PDE3A: variants seen among roughly 807,000 people sequenced by gnomAD.
PDE3A encodes the protein phosphodiesterase 3A.
PDE3A carries 43 observed loss-of-function variants against 98.3 expected under a neutral mutation model. The observed-to-expected ratio is 0.44, with a 90% CI of 0.34 to 0.56. The LOEUF is 0.56. Ranked by LOEUF, PDE3A falls within the 20% of genes least tolerant of loss-of-function variation. The pLI is 0.01. For synonymous variants in PDE3A, 663 were observed against 567.9 expected (o/e 1.17, Z -2.38); for missense variants, 1,427 against 1,440.7 (o/e 0.99, Z 0.15).
chr12:20,624,221 A>G (rs1345873401), intron 5 of PDE3A, among the ~76,000 whole-genome samples: 2 of 152,162 alleles, frequency 1.3e-5, no homozygotes, highest in Non-Finnish European at 2.9e-5. Context: ...AAACTAGGAT[A>G]TTTTGGGTTC....
intron 1 of PDE3A, among the ~76,000 whole-genome samples, chr12:20,504,998 C>T (rs1946089611): frequency 6.6e-6 from 1 of 152,034 alleles, no homozygotes; most frequent in African/African-American, 2.4e-5. Flanking sequence ...GCTGAAAGCA[C>T]CAGAGGTCTT....
chr12:20,466,223 A>G (rs771283291), intron 1 of PDE3A, among the ~76,000 whole-genome samples: 5 of 152,260 alleles, frequency 3.3e-5, no homozygotes, highest in Non-Finnish European at 5.9e-5. Context: ...AAGACAAGCA[A>G]AGAAACAGGA....
chr12:20,466,218 A>G (rs192569714), intron 1 of PDE3A, among the ~76,000 whole-genome samples: 2 of 152,358 alleles, frequency 1.3e-5, no homozygotes, highest in Admixed American at 6.5e-5. Flanking sequence ...CTTGGAAGAC[A>G]AGCAAAGAAA....
At chr12:20,663,186 G>T (rs941934740) in intron 15 of PDE3A, among the ~76,000 whole-genome samples, 1 of 152,226 alleles carries the variant, frequency 6.6e-6, no homozygotes, top group African/African-American at 2.4e-5. Context: ...GATTAAAGAG[G>T]ATGTATGGCA....
At chr12:20,649,330 T>C (rs1292453095) in intron 13 of PDE3A, among the ~76,000 whole-genome samples, 2 of 152,062 alleles carry the variant, frequency 1.3e-5, no homozygotes, top group Non-Finnish European at 1.5e-5. Flanking sequence ...AATGTGAAAA[T>C]GGAATACAAT....
At chr12:20,632,923 TAAATA>T (rs1393090578) in intron 6 of PDE3A, among the ~76,000 whole-genome samples, 1 of 150,080 alleles carries the variant, frequency 6.7e-6, no homozygotes, top group African/African-American at 2.4e-5. Flanking sequence ...ATAACCCAAT[TAAATA>T]AAATAAATCT....
intron 1 of PDE3A, among the ~76,000 whole-genome samples, chr12:20,479,717 G>A (rs994334995): frequency 6.6e-6 from 1 of 152,178 alleles, no homozygotes; most frequent in Non-Finnish European, 1.5e-5. Flanking sequence ...TTACACTGAG[G>A]ACACTTGGGC....
chr12:20,483,139 C>T (rs12427036), intron 1 of PDE3A, among the ~76,000 whole-genome samples: 26,676 of 152,012 alleles, frequency 0.18, 2,528 homozygotes, highest in East Asian at 0.28. Context: ...TCCTGTAATC[C>T]CAGCACTTTG....
chr12:20,638,032 T>C (rs552838992), intron 9 of PDE3A, among the ~76,000 whole-genome samples: 1 of 152,226 alleles, frequency 6.6e-6, no homozygotes, highest in South Asian at 2.1e-4. Flanking sequence ...ACAGCAGAGA[T>C]AGTAAAGACC....
chr12:20,401,522 G>A (rs1944129977), intron 1 of PDE3A, among the ~76,000 whole-genome samples: 1 of 152,134 alleles, frequency 6.6e-6, no homozygotes, highest in Admixed American at 6.5e-5. Context: ...TCAAGACAGA[G>A]ATAGGTAGAT....
At chr12:20,667,456 T>C (rs2120384824) in intron 15 of PDE3A, among the ~76,000 whole-genome samples, 1 of 152,302 alleles carries the variant, frequency 6.6e-6, no homozygotes, top group African/African-American at 2.4e-5. Flanking sequence ...TTGTATATAG[T>C]GAGAAATGGA....
At chr12:20,464,336 TTTAC>T (rs2120938420) in intron 1 of PDE3A, among the ~76,000 whole-genome samples, 1 of 152,324 alleles carries the variant, frequency 6.6e-6, no homozygotes, top group Non-Finnish European at 1.5e-5. Flanking sequence ...GAGGGTTATA[TTTAC>T]TTAGAAAGCA....
chr12:20,514,754 G>A (rs944833903), intron 1 of PDE3A, among the ~76,000 whole-genome samples: 2 of 152,118 alleles, frequency 1.3e-5, no homozygotes, highest in Non-Finnish European at 2.9e-5. Context: ...GAAAGCACAT[G>A]GTTTTTGGAA....
chr12:20,536,474 C>G (rs1474589614), intron 1 of PDE3A, among the ~76,000 whole-genome samples: 1 of 151,966 alleles, frequency 6.6e-6, no homozygotes, highest in African/African-American at 2.4e-5. Context: ...GCCACTAATC[C>G]AGAACATTTT....
At chr12:20,551,260 A>G (rs1942189357) in intron 1 of PDE3A, among the ~76,000 whole-genome samples, 1 of 151,878 alleles carries the variant, frequency 6.6e-6, no homozygotes. Flanking sequence ...GGATTCTTTC[A>G]AATTTGTAAG....
intron 1 of PDE3A, among the ~76,000 whole-genome samples, chr12:20,454,206 G>T (rs905791602): frequency 6.6e-6 from 1 of 152,084 alleles, no homozygotes; most frequent in Non-Finnish European, 1.5e-5. Context: ...CTTTACCTTG[G>T]ATTTTTTGTG....
At chr12:20,668,148 A>G (rs1252475867) in intron 15 of PDE3A, among the ~76,000 whole-genome samples, 1 of 152,232 alleles carries the variant, frequency 6.6e-6, no homozygotes, top group African/African-American at 2.4e-5. Context: ...GACGGGCTTA[A>G]AAAACGGCGC....
At chr12:20,668,768 T>C (rs1483950452) in intron 15 of PDE3A, among the ~76,000 whole-genome samples, 2 of 151,086 alleles carry the variant, frequency 1.3e-5, no homozygotes, top group African/African-American at 4.9e-5. Flanking sequence ...ACAGAAAAAC[T>C]GGAAACTCTA....
At chr12:20,488,894 A>AAG (rs1480477438) in intron 1 of PDE3A, among the ~76,000 whole-genome samples, 1 of 151,584 alleles carries the variant, frequency 6.6e-6, no homozygotes, top group Admixed American at 6.6e-5. Flanking sequence ...AAAAAAAAAA[A>AAG]AGAGAAAAAG....
Sources: gnomAD v4.1 joint callset for allele counts (sites outside exome capture counted in the v4.1 genomes callset) on GRCh38, gnomAD v4.1.1 for gene constraint, MANE v1.5 for transcripts, NCBI Gene and HGNC (gene_info 2026-07-23, HGNC 2026-07-21) for gene names.